PPARGC1A: variants seen among roughly 807,000 people sequenced by gnomAD.
PPARGC1A encodes the protein PPARG coactivator 1 alpha, also known as peroxisome proliferator-activated receptor gamma coactivator 1-alpha.
PPARGC1A carries 25 observed loss-of-function variants against 88.7 expected under a neutral mutation model. That is an observed-to-expected ratio of 0.28 (90% CI 0.21 to 0.39). The LOEUF (loss-of-function observed/expected upper bound fraction) is 0.39, where lower values mean the gene tolerates loss of function less well. PPARGC1A is among the 10% of genes least tolerant of loss of function. The pLI is 1.00. For missense variants in PPARGC1A, 880 were observed against 968.7 expected, an observed-to-expected ratio of 0.91 and a Z score of 1.22; for synonymous variants, 363 against 355.6, an observed-to-expected ratio of 1.02 and a Z score of -0.24.
At chr4:24,162,591 CT>C in the PPARGC1A span, among the ~76,000 whole-genome samples, 4,775 of 127,956 alleles carry the variant, frequency 0.037, 171 homozygotes, top group African/African-American at 0.11. Context: ...TCCTTACTTC[CT>C]TTTTTTTTTT....
chr4:23,964,194 T>C, the PPARGC1A span, among the ~76,000 whole-genome samples: 1 of 152,226 alleles, frequency 6.6e-6, no homozygotes, highest in Non-Finnish European at 1.5e-5. Flanking sequence ...AAGAGGTAGA[T>C]AACTATATTT....
At chr4:24,374,039 A>G in the PPARGC1A span, among the ~76,000 whole-genome samples, 1 of 152,216 alleles carries the variant, frequency 6.6e-6, no homozygotes, top group African/African-American at 2.4e-5. Context: ...TTCCAATCCA[A>G]AAATACATGA....
At chr4:23,873,221 A>AAAAAAAAAAG (rs1297257881) in intron 2 of PPARGC1A, among the ~76,000 whole-genome samples, 18 of 142,418 alleles carry the variant, frequency 1.3e-4, no homozygotes, top group East Asian at 8.8e-4. Flanking sequence ...AAAAAATAAA[A>AAAAAAAAAAG]AATAAAGAAA....
chr4:24,348,375 C>G, the PPARGC1A span, among the ~76,000 whole-genome samples: 1 of 152,178 alleles, frequency 6.6e-6, no homozygotes, highest in African/African-American at 2.4e-5. Flanking sequence ...GGGAAGTTTT[C>G]CTTGATTATT....
chr4:23,982,090 C>T, the PPARGC1A span, among the ~76,000 whole-genome samples: 3 of 152,152 alleles, frequency 2.0e-5, no homozygotes, highest in South Asian at 2.1e-4. Context: ...AATATATCCA[C>T]TCCTACCCAT....
In PPARGC1A at chr4:23,869,043, C is replaced by T. The variant is rs935128560; in HGVS notation, c.234+15709G>A. On this transcript the variant is annotated intron_variant, in intron 2 of 12. Transcript: ENST00000264867. ...GCAGGGCAGCCAGCCTTGCACACAG[C>T]CTGGAATCAGCTTGTATGTCACTGG... Among the ~76,000 whole-genome samples, 6 of 152,154 alleles carry T rather than the reference C, an allele frequency of 3.9e-5. No homozygotes were observed. In the South Asian group the frequency reaches 6.2e-4, roughly 16 times the overall value.
the PPARGC1A span, among the ~76,000 whole-genome samples, chr4:24,268,999 C>A: frequency 4.6e-5 from 7 of 152,124 alleles, no homozygotes; most frequent in African/African-American, 1.7e-4. Context: ...TGTAAATGAA[C>A]AAGTGGGTGG....
chr4:23,890,414 C>G (rs1309192531), upstream of PPARGC1A, among the ~76,000 whole-genome samples: 10 of 151,968 alleles, frequency 6.6e-5, no homozygotes, highest in Admixed American at 6.6e-4. Context: ...AAGCAAGTGG[C>G]AAAGCTCCCT....
the PPARGC1A span, among the ~76,000 whole-genome samples, chr4:23,947,698 T>C: frequency 6.6e-6 from 1 of 152,076 alleles, no homozygotes; most frequent in Admixed American, 6.6e-5. Context: ...ATGGAGATCA[T>C]GCTTCTCCAT....
the PPARGC1A span, among the ~76,000 whole-genome samples, chr4:24,098,440 C>A: frequency 6.6e-6 from 1 of 152,130 alleles, no homozygotes; most frequent in Admixed American, 6.5e-5. Flanking sequence ...AGTGAACTAC[C>A]ATTTTCAGTT....
the PPARGC1A span, among the ~76,000 whole-genome samples, chr4:24,230,254 A>G: frequency 6.6e-6 from 1 of 152,176 alleles, no homozygotes; most frequent in African/African-American, 2.4e-5. Flanking sequence ...TTTTGGGATG[A>G]GAAGGATCAT....
intron 2 of PPARGC1A, among the ~76,000 whole-genome samples, chr4:23,873,126 A>G (rs553092402): frequency 3.4e-4 from 51 of 150,440 alleles, no homozygotes; most frequent in Non-Finnish European, 6.1e-4. Flanking sequence ...TGAACCCAGG[A>G]GGCAGAGCTT....
chr4:24,105,267 C>A, the PPARGC1A span, among the ~76,000 whole-genome samples: 1 of 152,194 alleles, frequency 6.6e-6, no homozygotes, highest in African/African-American at 2.4e-5. Flanking sequence ...CAGCCACCAC[C>A]AGTTTCCAAT....
the PPARGC1A span, among the ~76,000 whole-genome samples, chr4:24,006,718 A>G: frequency 1.3e-5 from 2 of 152,078 alleles, no homozygotes; most frequent in Admixed American, 6.6e-5. Context: ...AATTGCTTGA[A>G]AATTGAGTGT....
At chr4:23,831,205 TTTTATATGAGAGGTTA>T (rs1299212343) in intron 3 of PPARGC1A, among the ~76,000 whole-genome samples, 1 of 152,190 alleles carries the variant, frequency 6.6e-6, no homozygotes, top group African/African-American at 2.4e-5. Context: ...TTGCAATCAT[TTTTATATGAGAGGTTA>T]TTTGAAATCA....
chr4:24,226,302 T>G, the PPARGC1A span, among the ~76,000 whole-genome samples: 5 of 152,314 alleles, frequency 3.3e-5, no homozygotes, highest in East Asian at 1.9e-4. Context: ...CATCATACAC[T>G]GCCGACCCAG....
the PPARGC1A span, among the ~76,000 whole-genome samples, chr4:24,075,425 G>A: frequency 6.6e-6 from 1 of 152,134 alleles, no homozygotes; most frequent in African/African-American, 2.4e-5. Context: ...ATCCAGAAAT[G>A]TTCCATGGAG....
the PPARGC1A span, among the ~76,000 whole-genome samples, chr4:24,322,001 G>A: frequency 6.6e-6 from 1 of 152,186 alleles, no homozygotes; most frequent in South Asian, 2.1e-4. Context: ...ATAGATCATG[G>A]ATTAATGGAG....
the PPARGC1A span, among the ~76,000 whole-genome samples, chr4:24,094,516 G>A: frequency 1.1e-4 from 16 of 152,154 alleles, no homozygotes; most frequent in African/African-American, 3.9e-4. Flanking sequence ...AGATGATGCA[G>A]AAATATGAAT....
Sources: gnomAD v4.1 joint callset for allele counts (sites outside exome capture counted in the v4.1 genomes callset) on GRCh38, gnomAD v4.1.1 for gene constraint, MANE v1.5 for transcripts, NCBI Gene and HGNC (gene_info 2026-07-23, HGNC 2026-07-21) for gene names.